The following SIRT5 variants were observed in gnomAD, a reference collection of about 807,000 sequenced individuals.
SIRT5 encodes the protein sirtuin 5, also known as NAD-dependent protein deacylase sirtuin-5, mitochondrial.
A neutral mutation model predicts 40.0 loss-of-function variants in SIRT5; 26 were observed. That is an observed-to-expected ratio of 0.65 (90% CI 0.48 to 0.90). The LOEUF (loss-of-function observed/expected upper bound fraction) is 0.90, where lower values mean the gene tolerates loss of function less well. Ranked by LOEUF, SIRT5 falls within the 40% of genes least tolerant of loss-of-function variation. SIRT5 has a pLI of 0.00. For synonymous variants in SIRT5, 146 were observed against 149.1 expected (o/e 0.98, Z 0.15); for missense variants, 401 against 402.4 (o/e 1.00, Z 0.03).
intron 9 of SIRT5, chr6:13,605,012 A>C: frequency 1.0e-6 from 1 of 987,946 alleles, no homozygotes; most frequent in South Asian, 4.7e-5. Context: ...GCTGACATTT[A>C]GAAGAGATGC....
chr6:13,603,929 A>G (rs893278628), intron 9 of SIRT5, among the ~76,000 whole-genome samples: 1 of 152,386 alleles, frequency 6.6e-6, no homozygotes, highest in African/African-American at 2.4e-5. Context: ...ATGCTAAGTG[A>G]AAGAAGCCAG....
chr6:13,602,005 A>G (rs1264742270), intron 9 of SIRT5, among the ~76,000 whole-genome samples: 1 of 152,182 alleles, frequency 6.6e-6, no homozygotes, highest in African/African-American at 2.4e-5. Context: ...AGTAGTAGGA[A>G]CTAAGAAGAT....
intron 6 of SIRT5, among the ~76,000 whole-genome samples, chr6:13,596,186 G>A (rs2127674901): frequency 6.6e-6 from 1 of 152,056 alleles, no homozygotes; most frequent in South Asian, 2.1e-4. Context: ...AGGAGTGGAG[G>A]GATTATGGGT....
intron 9 of SIRT5, chr6:13,605,292 T>G (rs1762953434): frequency 2.4e-6 from 2 of 827,804 alleles, no homozygotes; most frequent in African/African-American, 3.7e-5. Context: ...GCTTTTGCAT[T>G]AGGATGACAG....
At position 13,607,917 on chromosome 6, in the gene SIRT5, CTA is replaced by C. The variant is rs1360422200; in HGVS notation, c.858-3872_858-3871del. On this transcript the variant is annotated intron_variant, in intron 9 of 9. Coordinates refer to ENST00000606117, the MANE Select transcript of SIRT5 (RefSeq NM_012241.5). The surrounding 1 kb of genome is among the most constrained non-coding windows in gnomAD (Gnocchi z 4.0). ...TACAGGCGTGCGCCACCACACCCAG[CTA>C]ATTTTTTGTATTTTTTTTTTAGTAG... Among the ~76,000 whole-genome samples, 1 of 152,002 alleles carries C rather than the reference CTA, an allele frequency of 6.6e-6. No homozygotes were observed. Among genetic ancestry groups the C allele is most frequent in the African/African-American group, 2.4e-5 (1 of 41,358 alleles).
intron 8 of SIRT5, among the ~76,000 whole-genome samples, chr6:13,600,437 G>A: frequency 6.6e-6 from 1 of 152,196 alleles, no homozygotes; most frequent in Middle Eastern, 3.2e-3. Context: ...CTTGCGGTAA[G>A]ATTATGGATG....
intron 2 of SIRT5, among the ~76,000 whole-genome samples, chr6:13,583,286 G>GTT (rs1759603806): frequency 1.6e-5 from 2 of 124,546 alleles, no homozygotes; most frequent in African/African-American, 6.1e-5. Context: ...TTTCTTCTTT[G>GTT]TTCTTTTTTT....
chr6:13,585,368 T>A (rs1407342680), intron 3 of SIRT5, among the ~76,000 whole-genome samples: 1 of 152,108 alleles, frequency 6.6e-6, no homozygotes, highest in African/African-American at 2.4e-5. Flanking sequence ...CATTAGGTAT[T>A]TCTCCTGATG....
intron 4 of SIRT5, among the ~76,000 whole-genome samples, chr6:13,591,444 A>G (rs534052155): frequency 4.6e-5 from 7 of 152,330 alleles, no homozygotes; most frequent in Admixed American, 1.3e-4. Context: ...AAGGAAATTG[A>G]CTGATTTCTC....
intron 1 of SIRT5, among the ~76,000 whole-genome samples, chr6:13,576,367 C>T (rs1758636992): frequency 6.6e-6 from 1 of 152,272 alleles, no homozygotes; most frequent in East Asian, 1.9e-4. Context: ...GAGGTGGTAG[C>T]TCAGTGTGAT....
chr6:13,605,733 A>G, intron 9 of SIRT5: 1 of 985,466 alleles, frequency 1.0e-6, no homozygotes, highest in Non-Finnish European at 1.2e-6. Flanking sequence ...GCATTTTTGA[A>G]TTTAAACCTC....
intron 2 of SIRT5, among the ~76,000 whole-genome samples, chr6:13,582,893 T>C (rs1447872191): frequency 6.6e-6 from 1 of 152,208 alleles, no homozygotes; most frequent in Non-Finnish European, 1.5e-5. Flanking sequence ...AGTTCTCAGT[T>C]AGAAATTACA....
Position 13,590,048 on chromosome 6 carries a change from T to C in SIRT5, c.249+1584T>C, listed in dbSNP as rs769950870. Among the ~76,000 whole-genome samples the C allele has an allele frequency of 1.4e-4, 21 of 152,296 alleles. No homozygotes were observed. In the South Asian group the frequency reaches 1.9e-3, roughly 14 times the overall value. ...CATTACCACTAAGCAGAGGGGCCTT[T>C]ACGGTAGAATGAAATGCACATGTGT... On this transcript the variant is annotated intron_variant, in intron 4 of 9. Coordinates refer to ENST00000606117, the MANE Select transcript of SIRT5 (RefSeq NM_012241.5).
rs1761642150 is a variant in SIRT5 at position 13,596,977 on chromosome 6, G to A, written c.578G>A (p.Gly193Glu). Residue 193 changes from glycine (G) to glutamate (E), a missense_variant, in exon 7 of 10, where the codon GGA (glycine) becomes GAA (glutamate). Gly to Glu is a moderately conservative substitution (Grantham distance 98). Transcript: ENST00000606117. ...ATTTACTTCAGTGCTCCAGAACCTG[G>A]AACTCAAGATGCCAGCATCCCAGTT... ...ALSGKGAPEP[G>E]TQDASIPVEK... is the part of the protein sequence containing the mutation. 1 of 1,610,998 alleles carries A rather than the reference G, an allele frequency of 6.2e-7. No individual in the cohort carries two copies. The highest frequency in any genetic ancestry group is 1.3e-5 in the African/African-American group (1 of 74,688).
chr6:13,601,934 A>C (rs1353420484), intron 9 of SIRT5, among the ~76,000 whole-genome samples: 5 of 151,986 alleles, frequency 3.3e-5, no homozygotes, highest in Admixed American at 1.3e-4. Flanking sequence ...CTTCTTTTCC[A>C]TGTGTCTTTT....
chr6:13,593,394 C>T (rs950042583), intron 5 of SIRT5, among the ~76,000 whole-genome samples: 5 of 152,140 alleles, frequency 3.3e-5, no homozygotes, highest in Non-Finnish European at 5.9e-5. Flanking sequence ...ACCTATTAAC[C>T]GAGCATCTTT....
At chr6:13,604,441 C>T in intron 9 of SIRT5, 1 of 1,248,180 alleles carries the variant, frequency 8.0e-7, no homozygotes. Flanking sequence ...GAGCTATGTC[C>T]CCAGTTTGGT....
chr6:13,608,602 A>C (rs1199512774), intron 9 of SIRT5, among the ~76,000 whole-genome samples: 1 of 151,018 alleles, frequency 6.6e-6, no homozygotes, highest in Non-Finnish European at 1.5e-5. Context: ...AAAAAAAAAG[A>C]GAGAGAGAAA....
At chr6:13,578,635 AAAG>A (rs1355866516) in intron 1 of SIRT5, among the ~76,000 whole-genome samples, 13 of 151,470 alleles carry the variant, frequency 8.6e-5, no homozygotes, top group South Asian at 4.2e-4. Context: ...AAAAAAAAAA[AAAG>A]AAAATAATTG....
Sources: gnomAD v4.1 joint callset for allele counts (sites outside exome capture counted in the v4.1 genomes callset) on GRCh38, gnomAD v4.1.1 for gene constraint, Gnocchi (gnomAD v3.1) non-coding constraint, MANE v1.5 for transcripts, NCBI Gene and HGNC (gene_info 2026-07-23, HGNC 2026-07-21) for gene names.